Variants in CDH13 observed in about 807,000 individuals in gnomAD.
The protein encoded by CDH13 is cadherin 13, also known as cadherin-13.
Under a neutral mutation model 63.8 loss-of-function variants are expected in CDH13, and 24 were observed. That is an observed-to-expected ratio of 0.38 (90% CI 0.27 to 0.53). The LOEUF (loss-of-function observed/expected upper bound fraction) is 0.53, where lower values mean the gene tolerates loss of function less well. CDH13 is among the 20% of genes least tolerant of loss of function. CDH13 has a pLI of 0.85. For missense variants in CDH13, 1,049 were observed against 903.1 expected (o/e 1.16, Z -2.07); for synonymous variants, 503 against 355.3 (o/e 1.42, Z -4.67).
At chr16:82,841,273 C>A (rs2038998503) in intron 1 of CDH13, among the ~76,000 whole-genome samples, 1 of 152,210 alleles carries the variant, frequency 6.6e-6, no homozygotes, top group South Asian at 2.1e-4. Flanking sequence ...ATGGGACGTG[C>A]CAGCCATGAT....
chr16:83,255,890 C>G (rs1282005679), intron 5 of CDH13, among the ~76,000 whole-genome samples: 2 of 152,044 alleles, frequency 1.3e-5, no homozygotes, highest in Non-Finnish European at 2.9e-5. Flanking sequence ...AGTAAAATAC[C>G]TAGCACTAAG....
chr16:83,205,380 TTGAA>T (rs1449831715), intron 4 of CDH13, among the ~76,000 whole-genome samples: 2 of 152,134 alleles, frequency 1.3e-5, no homozygotes, highest in Non-Finnish European at 2.9e-5. Context: ...AATGCAATGA[TTGAA>T]TGACCCAAAG....
chr16:82,995,820 A>G (rs892784239), intron 2 of CDH13, among the ~76,000 whole-genome samples: 1 of 152,170 alleles, frequency 6.6e-6, no homozygotes, highest in Admixed American at 6.5e-5. Flanking sequence ...CGCTGCATCC[A>G]TTGAGGAGAA....
At chr16:83,649,081 A>G (rs754666820) in intron 8 of CDH13, among the ~76,000 whole-genome samples, 4 of 152,206 alleles carry the variant, frequency 2.6e-5, no homozygotes, top group East Asian at 1.9e-4. Context: ...CTCTGTGACT[A>G]TTCCTGTTTT....
In CDH13 at chr16:83,491,704, G is replaced by A. The variant is rs2074017556; in HGVS notation, c.960+5049G>A. Among the ~76,000 whole-genome samples the A allele has an allele frequency of 2.6e-5, 4 of 151,694 alleles. No homozygotes were observed. In the South Asian group the frequency reaches 8.3e-4, roughly 32 times the overall value. Reference sequence around the variant, plus strand: ...GCTGAGCACTTTTCTGTCTTTGTTTGAATTTGCCTTTACCTTATTATCTAT... The same window carrying A: ...GCTGAGCACTTTTCTGTCTTTGTTTAAATTTGCCTTTACCTTATTATCTAT... On this transcript the variant is annotated intron_variant, in intron 7 of 13. Coordinates refer to ENST00000567109, the MANE Select transcript of CDH13 (RefSeq NM_001257.5).
chr16:82,646,505 CTT>C (rs1447560982), intron 1 of CDH13, among the ~76,000 whole-genome samples: 1 of 152,130 alleles, frequency 6.6e-6, no homozygotes, highest in African/African-American at 2.4e-5. Context: ...AAGCACATGA[CTT>C]TTAATTTACT....
At chr16:82,779,107 C>T (rs1281706808) in intron 1 of CDH13, among the ~76,000 whole-genome samples, 1 of 152,092 alleles carries the variant, frequency 6.6e-6, no homozygotes, top group African/African-American at 2.4e-5. Context: ...GTAATGAGTC[C>T]ACTGAAAACT....
intron 5 of CDH13, among the ~76,000 whole-genome samples, chr16:83,310,421 C>A (rs143375313): frequency 6.6e-6 from 1 of 152,104 alleles, no homozygotes. Context: ...CACATACATA[C>A]AAATATATGT....
At chr16:83,357,131 T>C (rs944770869) in intron 6 of CDH13, among the ~76,000 whole-genome samples, 7 of 152,300 alleles carry the variant, frequency 4.6e-5, no homozygotes, top group Non-Finnish European at 1.0e-4. Flanking sequence ...CTTTTCAGAA[T>C]GATGGAGGAC....
chr16:83,058,428 G>A (rs4238724), intron 3 of CDH13, among the ~76,000 whole-genome samples: 84,207 of 152,072 alleles, frequency 0.55, 25,018 homozygotes, highest in African/African-American at 0.78. Flanking sequence ...CAACATGGGG[G>A]TACCAAATAA....
intron 6 of CDH13, among the ~76,000 whole-genome samples, chr16:83,362,760 T>C (rs539307147): frequency 1.1e-4 from 17 of 152,342 alleles, no homozygotes; most frequent in African/African-American, 4.1e-4. Context: ...GCTTTTCCTC[T>C]ATGATAAGGC....
At chr16:83,320,440 G>C (rs545747155) in intron 5 of CDH13, among the ~76,000 whole-genome samples, 10 of 152,324 alleles carry the variant, frequency 6.6e-5, no homozygotes, top group Non-Finnish European at 1.5e-4. Context: ...CCCAGGCATT[G>C]CTAGAAAGTG....
chr16:83,614,080 G>A (rs1483484222), intron 8 of CDH13, among the ~76,000 whole-genome samples: 1 of 151,962 alleles, frequency 6.6e-6, no homozygotes, highest in Non-Finnish European at 1.5e-5. Context: ...TAGTCGCCTG[G>A]CATACCTAGG....
intron 7 of CDH13, among the ~76,000 whole-genome samples, chr16:83,490,009 C>CCACA (rs10666213): frequency 0.079 from 10,895 of 137,250 alleles, 503 homozygotes; most frequent in Middle Eastern, 0.11. Context: ...GCTGCAGAAA[C>CCACA]CACACACACA....
intron 2 of CDH13, among the ~76,000 whole-genome samples, chr16:82,911,710 T>C (rs904576295): frequency 3.3e-5 from 5 of 152,160 alleles, no homozygotes; most frequent in Admixed American, 6.6e-5. Flanking sequence ...TTCAGAAGTA[T>C]GGTCCTTCCC....
At chr16:82,879,608 A>G (rs2040623688) in intron 2 of CDH13, among the ~76,000 whole-genome samples, 1 of 141,084 alleles carries the variant, frequency 7.1e-6, no homozygotes, top group African/African-American at 2.6e-5. Context: ...ATGTAATTGT[A>G]TATTTATACA....
chr16:83,451,144 G>T (rs1360976604), intron 6 of CDH13, among the ~76,000 whole-genome samples: 1 of 152,132 alleles, frequency 6.6e-6, no homozygotes, highest in Non-Finnish European at 1.5e-5. Flanking sequence ...ATTTGTCTTT[G>T]TATTACTCTG....
intron 6 of CDH13, among the ~76,000 whole-genome samples, chr16:83,443,719 AAAAAAAAAAAAAAAAAAT>A (rs1450845691): frequency 0.082 from 7,207 of 88,172 alleles, 144 homozygotes; most frequent in Non-Finnish European, 0.11. Flanking sequence ...AAAAAAAAAA[AAAAAAAAAAAAAAAAAAT>A]ATATATATAT....
intron 1 of CDH13, among the ~76,000 whole-genome samples, chr16:82,724,272 C>T (rs761392982): frequency 9.9e-5 from 15 of 151,766 alleles, no homozygotes; most frequent in Non-Finnish European, 1.5e-4. Flanking sequence ...TGCATCCTTC[C>T]GTCCATCCAT....
Sources: allele counts gnomAD v4.1 joint callset (sites outside exome capture counted in the v4.1 genomes callset), GRCh38; gene constraint gnomAD v4.1.1; transcripts MANE v1.5; gene names NCBI Gene and HGNC (gene_info 2026-07-23, HGNC 2026-07-21).